ZCCHC2: variants seen among roughly 807,000 people sequenced by gnomAD.
The protein encoded by ZCCHC2 is zinc finger CCHC-type containing 2, also known as zinc finger CCHC domain-containing protein 2.
Under a neutral mutation model 103.6 loss-of-function variants are expected in ZCCHC2, and 39 were observed. The ratio of observed to expected loss-of-function variants is 0.38; its 90% CI spans 0.29 to 0.49. ZCCHC2 has a LOEUF of 0.49. Ranked by LOEUF, ZCCHC2 falls within the 20% of genes least tolerant of loss-of-function variation. ZCCHC2 has a pLI of 0.96. For synonymous variants in ZCCHC2, 687 were observed against 608.9 expected (o/e 1.13, Z -1.89); for missense variants, 1,483 against 1,491.0 (o/e 0.99, Z 0.09).
At chr18:62,586,128 T>A (rs1226131474) in exon 15 of ZCCHC2, 1 of 148,944 alleles carries the variant, frequency 6.7e-6, no homozygotes, top group Non-Finnish European at 1.5e-5. Context: ...ACCTGAAAGC[T>A]ACGTGAATCG....
At chr18:62,585,169 G>A (rs530874997) in exon 15 of ZCCHC2, 1 of 152,334 alleles carries the variant, frequency 6.6e-6, no homozygotes, top group Non-Finnish European at 1.5e-5. Flanking sequence ...GCTTTCAAAA[G>A]CATTTACCTG....
At chr18:62,572,692 A>C (rs1212873836) in intron 12 of ZCCHC2, among the ~76,000 whole-genome samples, 1 of 152,192 alleles carries the variant, frequency 6.6e-6, no homozygotes, top group Non-Finnish European at 1.5e-5. Context: ...TGTCTAGAGG[A>C]GTCTCAGGAT....
chr18:62,553,933 C>T (rs1266401984), intron 5 of ZCCHC2, among the ~76,000 whole-genome samples: 1 of 152,200 alleles, frequency 6.6e-6, no homozygotes, highest in Non-Finnish European at 1.5e-5. Flanking sequence ...TTTTTATATA[C>T]TCAGATTTAT....
At chr18:62,553,135 C>G (rs1001683377) in intron 5 of ZCCHC2, among the ~76,000 whole-genome samples, 2 of 148,938 alleles carry the variant, frequency 1.3e-5, no homozygotes, top group Non-Finnish European at 3.0e-5. Context: ...ATTTTCTGTG[C>G]ACATACATGC....
Position 62,573,495 on chromosome 18 carries a change from A to G in ZCCHC2, c.1976-562A>G, listed in dbSNP as rs190454025. On this transcript the variant is annotated intron_variant, in intron 12 of 13. Transcript: ENST00000269499. ...CTAGCGTGTTTGTTTTATGATTAAT[A>G]ATAGCTTTAAATTTTCTTCCCCCCA... 4.6e-3 allele frequency among the ~76,000 whole-genome samples: 694 copies of G among 152,264 alleles called. 4 individuals carry two copies. Among genetic ancestry groups the G allele is most frequent in the African/African-American group, 0.016 (663 of 41,566 alleles).
intron 7 of ZCCHC2, among the ~76,000 whole-genome samples, chr18:62,560,030 A>G (rs948290014): frequency 1.3e-5 from 2 of 152,248 alleles, no homozygotes; most frequent in Admixed American, 1.3e-4. Context: ...GAAACATGTA[A>G]CAGCTAATGT....
At chr18:62,549,752 G>A (rs1015502397) in intron 4 of ZCCHC2, among the ~76,000 whole-genome samples, 2 of 152,140 alleles carry the variant, frequency 1.3e-5, no homozygotes, top group Non-Finnish European at 2.9e-5. Context: ...ACATTGCTCT[G>A]AGGGCACCTC....
At position 62,574,436 on chromosome 18, in the gene ZCCHC2, C is replaced by T. The variant is rs749691106; in HGVS notation, c.2355C>T (p.His785=). The change falls in exon 13 of 14, where the codon CAC becomes CAT. Residue 785 remains histidine (H), a synonymous_variant. Coordinates refer to ENST00000269499, the MANE Select transcript of ZCCHC2 (RefSeq NM_017742.6). ...PTACTGESEK[H]LELLASPLPI... ...CTTGCACTGGAGAATCGGAAAAGCA[C>T]CTTGAGTTACTGGCTTCCCCTTTAC... 7 of 1,613,982 alleles carry T rather than the reference C, an allele frequency of 4.3e-6. No individual in the cohort carries two copies. The highest frequency in any genetic ancestry group is 5.1e-6 in the Non-Finnish European group (6 of 1,179,882).
intron 1 of ZCCHC2, among the ~76,000 whole-genome samples, chr18:62,526,608 G>C (rs1045663164): frequency 2.6e-5 from 4 of 152,098 alleles, no homozygotes; most frequent in East Asian, 1.9e-4. Flanking sequence ...AGCTGTTCTC[G>C]GCCTCCCGCC....
chr18:62,543,330 C>T (rs75750350), intron 3 of ZCCHC2, among the ~76,000 whole-genome samples: 2 of 152,140 alleles, frequency 1.3e-5, no homozygotes, highest in Non-Finnish European at 2.9e-5. Flanking sequence ...GCCCTCGTAC[C>T]TTTCACAGAT....
At position 62,578,205 on chromosome 18, in the gene ZCCHC2, T is replaced by C. The variant is rs1298177084; in HGVS notation, c.*1626T>C. 1.3e-5 allele frequency: 2 copies of C among 152,550 alleles called. No individual in the cohort carries two copies. Among genetic ancestry groups the C allele is most frequent in the Non-Finnish European group, 2.9e-5 (2 of 68,040 alleles). The allele number at this position is 152,550 out of a possible 1,614,324, so 9.4% of individuals were successfully genotyped here. On this transcript the variant is annotated 3_prime_UTR_variant, in exon 14 of 14. Transcript: ENST00000269499. ...GGGTGTGAAGGGGTAGATGAAAGCT[T>C]TAATTTAGAAAGAAAGTTCAAGTAA...
intron 1 of ZCCHC2, among the ~76,000 whole-genome samples, chr18:62,528,168 C>A (rs1421929722): frequency 6.6e-6 from 1 of 152,130 alleles, no homozygotes; most frequent in Non-Finnish European, 1.5e-5. Context: ...TGTAAACTTT[C>A]GATACTAAGG....
At position 62,563,196 on chromosome 18, in the gene ZCCHC2, T is replaced by A; in HGVS notation, c.1686+52T>A. The A allele has an allele frequency of 2.6e-6, 4 of 1,559,212 alleles. No individual in the cohort carries two copies. The Admixed American group carries it at 5.6e-5, about 22-fold the overall frequency. On this transcript the variant is annotated intron_variant, in intron 9 of 13. Transcript: ENST00000269499. ...ATATAGTTAAAGCATTGCTCCTCTA[T>A]AAGAAAAAAATTAAGTTCTGTAAGC...
At chr18:62,563,251 A>G in intron 9 of ZCCHC2, 107 bp downstream of exon 9, 2 of 1,334,794 alleles carry the variant, frequency 1.5e-6, no homozygotes, top group South Asian at 1.6e-5. Context: ...CTGGTAAGAA[A>G]TGAAGGAATG....
chr18:62,561,559 G>A (rs975543374), intron 8 of ZCCHC2, among the ~76,000 whole-genome samples: 3 of 152,174 alleles, frequency 2.0e-5, no homozygotes, highest in Non-Finnish European at 4.4e-5. Flanking sequence ...CCAGAAGCTC[G>A]GAGCTCCTGA....
At chr18:62,553,572 T>C (rs1190901457) in intron 5 of ZCCHC2, among the ~76,000 whole-genome samples, 1 of 152,200 alleles carries the variant, frequency 6.6e-6, no homozygotes, top group Non-Finnish European at 1.5e-5. Context: ...TGGATACATT[T>C]ATCTGTAAGA....
At chr18:62,579,812 T>TC (rs34562082), downstream of ZCCHC2, among the ~76,000 whole-genome samples, 2 of 151,990 alleles carry the variant, frequency 1.3e-5, no homozygotes, top group Non-Finnish European at 2.9e-5. Context: ...AACCTCCACC[T>TC]CCCGGGTTCA....
Position 62,576,532 on chromosome 18 carries a change from G to A in ZCCHC2, c.3490G>A (p.Ala1164Thr), listed in dbSNP as rs1389120709. Residue 1164 changes from alanine (A) to threonine (T), a missense_variant, in exon 14 of 14, where the codon GCA becomes ACA. Physicochemically the swap from Ala to Thr is moderately conservative, Grantham distance 58. This residue lies in a region of ZCCHC2 where 884 missense variants were observed against 907.5 expected (regional missense o/e 0.97). Transcript: ENST00000269499. ...NQQGTYRLRY[A>T]PPLPPSNDTL... ...TTTAGGCACTTACAGACTGAGATAC[G>A]CACCTCCCCTCCCCCCTTCTAATGA... 4.3e-6 allele frequency: 7 copies of A among 1,613,494 alleles called. No homozygotes were observed. The highest frequency in any genetic ancestry group is 3.3e-5 in the Admixed American group (2 of 59,980).
At chr18:62,543,412 G>A (rs776007790) in intron 3 of ZCCHC2, among the ~76,000 whole-genome samples, 4 of 152,090 alleles carry the variant, frequency 2.6e-5, no homozygotes, top group Admixed American at 6.6e-5. Context: ...CCACTTGCTC[G>A]TTGAATGAAT....
Sources: allele counts gnomAD v4.1 joint callset (sites outside exome capture counted in the v4.1 genomes callset), GRCh38; gene constraint gnomAD v4.1.1; regional missense constraint gnomAD v4.1.1; transcripts MANE v1.5; gene names NCBI Gene and HGNC (gene_info 2026-07-23, HGNC 2026-07-21).